The following KDM4C variants were observed in gnomAD, a reference collection of about 807,000 sequenced individuals.
The protein encoded by KDM4C is lysine-specific demethylase 4C.
In KDM4C, 81 loss-of-function variants were observed where a neutral mutation model predicts 129.3. The ratio of observed to expected loss-of-function variants is 0.63; its 90% CI spans 0.52 to 0.75. The LOEUF (loss-of-function observed/expected upper bound fraction) is 0.75, where lower values mean the gene tolerates loss of function less well. KDM4C is among the 30% of genes least tolerant of loss of function. The probability of loss-of-function intolerance (pLI) is 0.00; values close to 1 mark genes in which losing one functional copy is unlikely to be tolerated. For synonymous variants in KDM4C, 573 were observed against 456.1 expected (o/e 1.26, Z -3.26); for missense variants, 1,457 against 1,304.0 (o/e 1.12, Z -1.81).
At chr9:6,988,891 A>T (rs568627731) in intron 11 of KDM4C, among the ~76,000 whole-genome samples, 1 of 151,222 alleles carries the variant, frequency 6.6e-6, no homozygotes, top group Non-Finnish European at 1.5e-5. Flanking sequence ...CCTCCCCATC[A>T]CTTTCTATTC....
chr9:6,948,501 TTAA>T (rs1827382734), intron 8 of KDM4C, among the ~76,000 whole-genome samples: 1 of 151,574 alleles, frequency 6.6e-6, no homozygotes, highest in Non-Finnish European at 1.5e-5. Context: ...TTTTTTTTTT[TTAA>T]TTGATCATTC....
At chr9:7,001,236 T>G (rs1203581389) in intron 12 of KDM4C, among the ~76,000 whole-genome samples, 1 of 152,258 alleles carries the variant, frequency 6.6e-6, no homozygotes, top group Non-Finnish European at 1.5e-5. Context: ...GTGTTTATGT[T>G]CTTTGTTTTG....
At chr9:6,829,281 C>T (rs1339879320) in intron 4 of KDM4C, among the ~76,000 whole-genome samples, 5 of 152,280 alleles carry the variant, frequency 3.3e-5, no homozygotes, top group Non-Finnish European at 7.4e-5. Flanking sequence ...GGACATTAGG[C>T]ATGGTGAGCA....
chr9:7,029,822 C>T (rs1826427411), intron 15 of KDM4C, among the ~76,000 whole-genome samples: 1 of 152,110 alleles, frequency 6.6e-6, no homozygotes, highest in South Asian at 2.1e-4. Context: ...ATGTAACATC[C>T]AACTCCCTTT....
At chr9:7,015,741 C>T in intron 14 of KDM4C, 112 bp from the exon 15 acceptor site, 1 of 666,514 alleles carries the variant, frequency 1.5e-6, no homozygotes, top group African/African-American at 1.8e-5. Flanking sequence ...CAGTGAGAAT[C>T]AAGACAGTAT....
chr9:6,923,636 C>A (rs1030261397), intron 8 of KDM4C, among the ~76,000 whole-genome samples: 7 of 152,190 alleles, frequency 4.6e-5, no homozygotes, highest in African/African-American at 1.7e-4. Flanking sequence ...GCAAGTTCTT[C>A]AGAGTCTTGT....
chr9:7,146,502 A>G (rs1469984443), intron 19 of KDM4C, among the ~76,000 whole-genome samples: 1 of 152,216 alleles, frequency 6.6e-6, no homozygotes, highest in Non-Finnish European at 1.5e-5. Flanking sequence ...TAGGAACCAT[A>G]TAGTTGCCAA....
At chr9:6,939,669 G>C (rs1825483887) in intron 8 of KDM4C, among the ~76,000 whole-genome samples, 1 of 152,176 alleles carries the variant, frequency 6.6e-6, no homozygotes, top group Non-Finnish European at 1.5e-5. Flanking sequence ...AGTTACTTTA[G>C]AATGGATATT....
chr9:6,821,671 G>A (rs1004409298), intron 4 of KDM4C, among the ~76,000 whole-genome samples: 1 of 151,200 alleles, frequency 6.6e-6, no homozygotes, highest in African/African-American at 2.4e-5. Context: ...TTTTGAGATG[G>A]AGTATGCTCT....
intron 1 of KDM4C, among the ~76,000 whole-genome samples, chr9:6,735,763 A>G (rs1038216766): frequency 6.6e-6 from 1 of 152,180 alleles, no homozygotes; most frequent in South Asian, 2.1e-4. Context: ...CATACATTAA[A>G]TTGGTACTAG....
At chr9:6,903,754 G>T (rs758825659) in intron 8 of KDM4C, among the ~76,000 whole-genome samples, 1 of 152,152 alleles carries the variant, frequency 6.6e-6, no homozygotes, top group Non-Finnish European at 1.5e-5. Context: ...AATATCCATT[G>T]TTGAAATTTG....
At chr9:6,941,611 G>A (rs531172905) in intron 8 of KDM4C, 1 of 152,348 alleles carries the variant, frequency 6.6e-6, no homozygotes, top group Non-Finnish European at 1.5e-5. Context: ...ATGCAGCCAT[G>A]TGAACTGAGA....
intron 8 of KDM4C, among the ~76,000 whole-genome samples, chr9:6,941,413 A>G (rs1320181778): frequency 6.6e-6 from 1 of 152,120 alleles, no homozygotes; most frequent in Non-Finnish European, 1.5e-5. Flanking sequence ...GATGCTGTAT[A>G]TTAGACTTTA....
chr9:6,953,919 A>C (rs1272822950), intron 8 of KDM4C, among the ~76,000 whole-genome samples: 1 of 152,172 alleles, frequency 6.6e-6, no homozygotes. Context: ...TTTGCTCTCC[A>C]AAGTCACCAC....
chr9:6,888,380 G>C (rs1845598991), intron 7 of KDM4C, among the ~76,000 whole-genome samples: 1 of 152,140 alleles, frequency 6.6e-6, no homozygotes, highest in Non-Finnish European at 1.5e-5. Flanking sequence ...TTATGTATAT[G>C]TGATCTATTT....
chr9:7,085,089 C>T (rs769829311), intron 17 of KDM4C, among the ~76,000 whole-genome samples: 35 of 152,268 alleles, frequency 2.3e-4, no homozygotes, highest in Middle Eastern at 3.4e-3. Context: ...AGGGTGTATT[C>T]GAGGACCCTG....
chr9:7,100,245 A>C (rs1836914373), intron 17 of KDM4C, among the ~76,000 whole-genome samples: 1 of 152,196 alleles, frequency 6.6e-6, no homozygotes, highest in African/African-American at 2.4e-5. Context: ...ATTTACAAAG[A>C]ATTGTCAGTG....
At chr9:7,098,230 C>G (rs1358910145) in intron 17 of KDM4C, among the ~76,000 whole-genome samples, 2 of 152,176 alleles carry the variant, frequency 1.3e-5, no homozygotes, top group Non-Finnish European at 1.5e-5. Flanking sequence ...TATCTGATCC[C>G]TGGCCACCTC....
intron 3 of KDM4C, among the ~76,000 whole-genome samples, chr9:6,809,079 A>T (rs57922673): frequency 6.6e-6 from 1 of 152,206 alleles, no homozygotes; most frequent in African/African-American, 2.4e-5. Context: ...TAAGCACATG[A>T]TGCTACTTGA....
Sources: gnomAD v4.1 joint callset for allele counts (sites outside exome capture counted in the v4.1 genomes callset) on GRCh38, gnomAD v4.1.1 for gene constraint, MANE v1.5 for transcripts, NCBI Gene and HGNC (gene_info 2026-07-23, HGNC 2026-07-21) for gene names.